Variants in DYNC1I1 observed in about 807,000 individuals in gnomAD.
DYNC1I1 encodes the protein cytoplasmic dynein 1 intermediate chain 1.
DYNC1I1 carries 43 observed loss-of-function variants against 86.6 expected under a neutral mutation model. The observed-to-expected ratio is 0.50, with a 90% CI of 0.39 to 0.64. The LOEUF (loss-of-function observed/expected upper bound fraction) is 0.64. Ranked by LOEUF, DYNC1I1 falls within the 30% of genes least tolerant of loss-of-function variation. The probability of loss-of-function intolerance (pLI) is 0.00; values close to 1 mark genes in which losing one functional copy is unlikely to be tolerated. For missense variants in DYNC1I1, 604 were observed against 788.8 expected (o/e 0.77, Z 2.81); for synonymous variants, 262 against 283.7 (o/e 0.92, Z 0.77).
intron 13 of DYNC1I1, 78 bp downstream of exon 13, chr7:96,035,830 C>T: frequency 4.4e-6 from 7 of 1,576,102 alleles, no homozygotes; most frequent in Non-Finnish European, 6.0e-6. Context: ...TTTTAACCAC[C>T]TTGCATTATG....
intron 10 of DYNC1I1, among the ~76,000 whole-genome samples, chr7:96,009,953 AT>A (rs1794234379): frequency 6.6e-6 from 1 of 151,908 alleles, no homozygotes; most frequent in African/African-American, 2.4e-5. Context: ...CAAATTTTGT[AT>A]TTTTAGTAAA....
intron 6 of DYNC1I1, among the ~76,000 whole-genome samples, chr7:95,960,594 G>A (rs766188055): frequency 3.5e-4 from 53 of 152,094 alleles, no homozygotes; most frequent in Non-Finnish European, 6.8e-4. Flanking sequence ...GTCTACTTCC[G>A]AGTAAAAGAG....
intron 6 of DYNC1I1, among the ~76,000 whole-genome samples, chr7:95,897,560 T>C (rs1790916486): frequency 6.6e-6 from 1 of 152,168 alleles, no homozygotes; most frequent in South Asian, 2.1e-4. Flanking sequence ...AAGAAGAATT[T>C]AGCCCTTTGT....
At chr7:96,032,613 G>A in intron 11 of DYNC1I1, 54 bp from the exon 12 acceptor site, 1 of 1,357,400 alleles carries the variant, frequency 7.4e-7, no homozygotes, top group Admixed American at 1.7e-5. Context: ...ACACTCAAAT[G>A]TAAGCATTTC....
chr7:95,945,044 TA>T (rs1008839696), intron 6 of DYNC1I1, among the ~76,000 whole-genome samples: 87 of 150,844 alleles, frequency 5.8e-4, no homozygotes, highest in African/African-American at 2.0e-3. Flanking sequence ...TAAAATAAAA[TA>T]AACATAAAAA....
intron 6 of DYNC1I1, among the ~76,000 whole-genome samples, chr7:95,918,293 C>T (rs1217235341): frequency 6.6e-6 from 1 of 152,180 alleles, no homozygotes; most frequent in Non-Finnish European, 1.5e-5. Flanking sequence ...TTCCCTGCCT[C>T]TCGGTCTAAG....
chr7:96,065,679 C>T lies in DYNC1I1; in HGVS notation c.1510-10378C>T, dbSNP rs1182146116. 8.5e-5 allele frequency among the ~76,000 whole-genome samples: 13 copies of T among 152,256 alleles called. No individual in the cohort carries two copies. In the South Asian group the frequency reaches 1.9e-3, roughly 22 times the overall value. ...CTGAGATTACAGGCGTGAGCCACCGCGCCGAGCATCCCGGCTCTTTCCTCT... is the reference window on the plus strand; with the variant it reads ...CTGAGATTACAGGCGTGAGCCACCGTGCCGAGCATCCCGGCTCTTTCCTCT... On this transcript the variant is annotated intron_variant, in intron 14 of 16. Coordinates refer to ENST00000447467, the MANE Select transcript of DYNC1I1 (RefSeq NM_001135556.2).
intron 6 of DYNC1I1, among the ~76,000 whole-genome samples, chr7:95,880,747 C>T (rs1172371558): frequency 6.7e-6 from 1 of 149,194 alleles, no homozygotes; most frequent in Non-Finnish European, 1.5e-5. Context: ...CTGAGTTCAA[C>T]CGATTCTCCT....
At chr7:95,945,693 A>T (rs1020054026) in intron 6 of DYNC1I1, among the ~76,000 whole-genome samples, 3 of 85,642 alleles carry the variant, frequency 3.5e-5, no homozygotes, top group African/African-American at 9.1e-5. Flanking sequence ...ATAATGCAAA[A>T]ATATATGTAT....
intron 10 of DYNC1I1, among the ~76,000 whole-genome samples, chr7:96,006,952 C>T (rs1008997888): frequency 6.6e-6 from 1 of 152,138 alleles, no homozygotes; most frequent in African/African-American, 2.4e-5. Context: ...TCAATCATTA[C>T]ACATTGTGTA....
intron 5 of DYNC1I1, among the ~76,000 whole-genome samples, chr7:95,833,595 C>T (rs1307580537): frequency 6.9e-6 from 1 of 143,988 alleles, no homozygotes; most frequent in Non-Finnish European, 1.5e-5. Context: ...ATTCTTCCTA[C>T]CCATGAGCAT....
chr7:95,910,320 A>T (rs934168906), intron 6 of DYNC1I1, among the ~76,000 whole-genome samples: 1 of 152,020 alleles, frequency 6.6e-6, no homozygotes, highest in Non-Finnish European at 1.5e-5. Flanking sequence ...CCTAAATGCT[A>T]CCCCCATCTG....
At chr7:95,973,774 C>G (rs969291924) in intron 6 of DYNC1I1, among the ~76,000 whole-genome samples, 1 of 151,986 alleles carries the variant, frequency 6.6e-6, no homozygotes, top group Non-Finnish European at 1.5e-5. Flanking sequence ...AAATAAACAC[C>G]CTTATAGCTG....
intron 12 of DYNC1I1, among the ~76,000 whole-genome samples, chr7:96,033,158 G>T (rs2115998900): frequency 6.6e-6 from 1 of 152,294 alleles, no homozygotes; most frequent in Admixed American, 6.5e-5. Flanking sequence ...TGCATTGGAG[G>T]GAAGGTAACC....
chr7:95,794,220 G>A (rs1794379756), intron 1 of DYNC1I1, among the ~76,000 whole-genome samples: 3 of 151,978 alleles, frequency 2.0e-5, no homozygotes, highest in South Asian at 2.1e-4. Context: ...TCTGTTTTCC[G>A]GTTCCTCTTC....
chr7:95,897,476 A>C (rs528087037), intron 6 of DYNC1I1, among the ~76,000 whole-genome samples: 135 of 150,508 alleles, frequency 9.0e-4, no homozygotes, highest in African/African-American at 3.1e-3. Context: ...TTTCCTGTGG[A>C]TCTAGATTAA....
At chr7:95,910,930 G>C (rs1791318231) in intron 6 of DYNC1I1, among the ~76,000 whole-genome samples, 1 of 152,148 alleles carries the variant, frequency 6.6e-6, no homozygotes, top group Admixed American at 6.5e-5. Context: ...CCTTTGTCAT[G>C]ATCATTATTT....
intron 9 of DYNC1I1, among the ~76,000 whole-genome samples, chr7:95,988,100 C>G (rs319320): frequency 0.7 from 106,187 of 152,114 alleles, 37,713 homozygotes; most frequent in East Asian, 0.85. Context: ...CACTCGGCTG[C>G]GTGAGGTGGC....
At chr7:96,039,501 C>T (rs1788971820) in intron 14 of DYNC1I1, 80 bp downstream of exon 14, 2 of 1,582,738 alleles carry the variant, frequency 1.3e-6, no homozygotes, top group South Asian at 2.2e-5. Flanking sequence ...ACAGTTGTCC[C>T]TAAAGCCTCT....
Sources: gnomAD v4.1 joint callset for allele counts (sites outside exome capture counted in the v4.1 genomes callset) on GRCh38, gnomAD v4.1.1 for gene constraint, MANE v1.5 for transcripts, NCBI Gene and HGNC (gene_info 2026-07-23, HGNC 2026-07-21) for gene names.